CRIM1: variants seen among roughly 807,000 people sequenced by gnomAD.
The protein encoded by CRIM1 is cysteine-rich motor neuron 1 protein.
A neutral mutation model predicts 116.4 loss-of-function variants in CRIM1; 32 were observed. The ratio of observed to expected loss-of-function variants is 0.27; its 90% CI spans 0.21 to 0.37. The LOEUF (loss-of-function observed/expected upper bound fraction) is 0.37. Ranked by LOEUF, CRIM1 falls within the 10% of genes least tolerant of loss-of-function variation. The pLI is 1.00. For missense variants in CRIM1, 1,331 were observed against 1,354.8 expected (o/e 0.98, Z 0.28); for synonymous variants, 590 against 509.2 (o/e 1.16, Z -2.13).
At chr2:36,545,532 C>T (rs1171327999) in intron 15 of CRIM1, among the ~76,000 whole-genome samples, 2 of 152,104 alleles carry the variant, frequency 1.3e-5, no homozygotes, top group Non-Finnish European at 2.9e-5. Context: ...GCATCAATAG[C>T]AAGAAAATGT....
intron 2 of CRIM1, among the ~76,000 whole-genome samples, chr2:36,406,875 T>C (rs1211901193): frequency 2.6e-5 from 4 of 152,198 alleles, no homozygotes; most frequent in African/African-American, 9.7e-5. Flanking sequence ...CTCATATAAT[T>C]TGTTTAAAAA....
intron 2 of CRIM1, among the ~76,000 whole-genome samples, chr2:36,406,357 C>T (rs1672794710): frequency 1.3e-5 from 2 of 152,014 alleles, no homozygotes; most frequent in Admixed American, 1.3e-4. Flanking sequence ...TTGGCCTTTC[C>T]AAACTGCTGT....
chr2:36,361,901 A>G (rs1012699538), intron 1 of CRIM1, among the ~76,000 whole-genome samples: 1 of 152,210 alleles, frequency 6.6e-6, no homozygotes, highest in African/African-American at 2.4e-5. Context: ...CTAGCCAAGC[A>G]TGCATGAATA....
intron 16 of CRIM1, 138 bp from the exon 17 acceptor site, chr2:36,548,387 G>T: frequency 2.1e-6 from 1 of 469,130 alleles, no homozygotes; most frequent in Non-Finnish European, 3.7e-6. Context: ...AACAAGATGT[G>T]ATAATCTGCA....
intron 5 of CRIM1, among the ~76,000 whole-genome samples, chr2:36,475,552 A>G (rs1022992301): frequency 6.6e-6 from 1 of 152,118 alleles, no homozygotes; most frequent in African/African-American, 2.4e-5. Flanking sequence ...CTTCCTTTCC[A>G]ATCTGGATGC....
chr2:36,419,659 C>T (rs1054841898), intron 2 of CRIM1, among the ~76,000 whole-genome samples: 1 of 152,130 alleles, frequency 6.6e-6, no homozygotes, highest in African/African-American at 2.4e-5. Flanking sequence ...AGTATTATTT[C>T]TCTTATTTCT....
In CRIM1 at chr2:36,549,647, G is replaced by C. The variant is rs1667609016; in HGVS notation, c.*946G>C. The stretch of plus-strand genomic sequence containing the variant: ...GAAACTTTTTTTAAAAAGACTGTTT[G>C]GGGATTCTTTTTCCTTATTATATAC... On this transcript the variant is annotated 3_prime_UTR_variant, in exon 17 of 17. Transcript: ENST00000280527. The C allele has an allele frequency of 6.6e-6, 1 of 152,160 alleles. No individual in the cohort carries two copies. 9.4% of individuals were successfully genotyped at this position (152,160 alleles called of 1,614,324 possible).
intron 4 of CRIM1, among the ~76,000 whole-genome samples, chr2:36,457,772 T>TA (rs1677257904): frequency 6.6e-6 from 1 of 152,066 alleles, no homozygotes; most frequent in Non-Finnish European, 1.5e-5. Context: ...AAAAAAAACT[T>TA]ACACATTCCT....
intron 1 of CRIM1, among the ~76,000 whole-genome samples, chr2:36,390,822 A>T (rs900050903): frequency 1.1e-4 from 16 of 151,804 alleles, no homozygotes; most frequent in African/African-American, 3.6e-4. Flanking sequence ...TTATTTATTT[A>T]TTTTTTTGAC....
chr2:36,482,710 G>A (rs1679513642), intron 7 of CRIM1, among the ~76,000 whole-genome samples: 1 of 152,216 alleles, frequency 6.6e-6, no homozygotes, highest in Admixed American at 6.5e-5. Context: ...TGCGTAACCA[G>A]TGTTGGCCCT....
chr2:36,411,662 TTGTG>T (rs58015078), intron 2 of CRIM1, among the ~76,000 whole-genome samples: 10 of 150,094 alleles, frequency 6.7e-5, no homozygotes, highest in East Asian at 2.0e-4. Context: ...ATCTTATTCT[TTGTG>T]TGTGTGTGTG....
In CRIM1 at chr2:36,512,376, C is replaced by G. The variant is rs748827224; in HGVS notation, c.1762C>G (p.Leu588Val). ...TTTCCAGCAGGACAGTCACGGCTGT[C>G]TTATCTGCAAGTGCAGAGGTAAGTG... ...LGFQQDSHGC[L>V]ICKCREASAS... Residue 588 changes from leucine (L) to valine (V), a missense_variant, in exon 10 of 17, where the codon CTT becomes GTT. Around this residue, in one of 3 missense-constraint regions of CRIM1, gnomAD observed 358 missense variants for 436.1 expected, o/e 0.82. Coordinates refer to ENST00000280527, the MANE Select transcript of CRIM1 (RefSeq NM_016441.3). 8.1e-6 allele frequency: 13 copies of G among 1,613,220 alleles called. No homozygotes were observed. The highest frequency in any genetic ancestry group is 1.0e-5 in the Non-Finnish European group (12 of 1,179,272).
chr2:36,402,451 G>A (rs1672488232), intron 2 of CRIM1, among the ~76,000 whole-genome samples: 1 of 151,666 alleles, frequency 6.6e-6, no homozygotes, highest in Non-Finnish European at 1.5e-5. Context: ...ATGGGGGGGA[G>A]GGAGGGGTAA....
chr2:36,493,640 C>G (rs528391492), intron 7 of CRIM1, among the ~76,000 whole-genome samples: 37 of 152,270 alleles, frequency 2.4e-4, no homozygotes, highest in African/African-American at 8.7e-4. Flanking sequence ...AAGAGTGCTT[C>G]ACACATTTCT....
intron 2 of CRIM1, among the ~76,000 whole-genome samples, chr2:36,401,293 A>G (rs769529528): frequency 1.9e-4 from 29 of 152,202 alleles, no homozygotes; most frequent in Admixed American, 4.6e-4. Flanking sequence ...AAAAATATAA[A>G]GGAAATAGGA....
At chr2:36,466,487 G>A (rs917254869) in intron 5 of CRIM1, among the ~76,000 whole-genome samples, 2 of 152,162 alleles carry the variant, frequency 1.3e-5, no homozygotes, top group African/African-American at 4.8e-5. Flanking sequence ...GTGAATACTT[G>A]TACCACTGGA....
At chr2:36,427,077 T>A (rs1287477453) in intron 2 of CRIM1, among the ~76,000 whole-genome samples, 6 of 151,828 alleles carry the variant, frequency 4.0e-5, no homozygotes, top group Non-Finnish European at 8.8e-5. Flanking sequence ...GGTGTGCGCC[T>A]ATAATCCCAA....
At chr2:36,495,340 A>G (rs1051238876) in intron 7 of CRIM1, among the ~76,000 whole-genome samples, 1 of 152,194 alleles carries the variant, frequency 6.6e-6, no homozygotes, top group African/African-American at 2.4e-5. Context: ...GCACTGTTGC[A>G]TAGACTAGAG....
chr2:36,362,318 G>T (rs1669277775), intron 1 of CRIM1, among the ~76,000 whole-genome samples: 1 of 151,476 alleles, frequency 6.6e-6, no homozygotes, highest in Non-Finnish European at 1.5e-5. Context: ...GCAGAAAGGG[G>T]AATTTGAATT....
Sources: allele counts gnomAD v4.1 joint callset (sites outside exome capture counted in the v4.1 genomes callset), GRCh38; gene constraint gnomAD v4.1.1; regional missense constraint gnomAD v4.1.1; transcripts MANE v1.5; gene names NCBI Gene and HGNC (gene_info 2026-07-23, HGNC 2026-07-21).